Variants in NT5E observed in about 807,000 individuals in gnomAD.
NT5E encodes 5'-nucleotidase ecto, also known as 5'-nucleotidase.
A neutral mutation model predicts 55.1 loss-of-function variants in NT5E; 53 were observed. The ratio of observed to expected loss-of-function variants is 0.96; its 90% CI spans 0.77 to 1.21. The LOEUF (loss-of-function observed/expected upper bound fraction) is 1.21, where lower values mean the gene tolerates loss of function less well. Ranked by LOEUF, NT5E falls within the 50% of genes most tolerant of loss-of-function variation. NT5E has a pLI of 0.00. For synonymous variants in NT5E, 270 were observed against 278.4 expected (o/e 0.97, Z 0.30); for missense variants, 683 against 724.3 (o/e 0.94, Z 0.65).
In NT5E at chr6:85,467,406, A is replaced by C. The variant is rs1582374678; in HGVS notation, c.562+124A>C. On this transcript the variant is annotated intron_variant, in intron 2 of 8. Transcript: ENST00000257770. ...TGGGTAAATAGTGCACTAGAATAAC[A>C]CTGATAAAAGCAATCTGGTAAATTC... 15 of 791,446 alleles carry C rather than the reference A, an allele frequency of 1.9e-5. No homozygotes were observed. In the East Asian group the frequency reaches 4.0e-4, roughly 21 times the overall value. The allele number at this position is 791,446 out of a possible 1,614,324, so 49.0% of individuals were successfully genotyped here. A position where few individuals can be genotyped will look rare whatever the true frequency, so the allele number is the denominator to read the frequency against.
chr6:85,491,027 A>G (rs977314885), intron 7 of NT5E: 1 of 530,050 alleles, frequency 1.9e-6, no homozygotes, highest in African/African-American at 1.9e-5. Context: ...GCCTGGAACC[A>G]TGCCAAGATT....
intron 1 of NT5E, among the ~76,000 whole-genome samples, chr6:85,459,319 G>A (rs1769048069): frequency 6.6e-6 from 1 of 152,170 alleles, no homozygotes; most frequent in Non-Finnish European, 1.5e-5. Flanking sequence ...AGCCCTTAAC[G>A]AATGAGCTAG....
chr6:85,450,260 C>T lies in NT5E; in HGVS notation c.121C>T (p.Leu41=), dbSNP rs771974438. 4 of 1,609,246 alleles carry T rather than the reference C, an allele frequency of 2.5e-6. No individual in the cohort carries two copies. Among genetic ancestry groups the T allele is most frequent in the Non-Finnish European group, 2.5e-6 (3 of 1,178,856 alleles). ...ILHTNDVHSR[L]EQTSEDSSKC... is the part of the protein sequence containing the mutation. ...GCACACCAACGACGTGCACAGCCGG[C>T]TGGAGCAGACCAGCGAGGACTCCAG... Residue 41 remains leucine (L), a synonymous_variant, in exon 1 of 9, where the codon CTG becomes TTG. Coordinates refer to ENST00000257770, the MANE Select transcript of NT5E (RefSeq NM_002526.4). The surrounding 1 kb of genome is among the most constrained non-coding windows in gnomAD (Gnocchi z 4.0).
chr6:85,465,856 G>A (rs9444348), intron 1 of NT5E, among the ~76,000 whole-genome samples: 66,081 of 152,064 alleles, frequency 0.43, 15,732 homozygotes, highest in Admixed American at 0.57. Flanking sequence ...AGCAAGGAAG[G>A]AAGAGGGTGA....
At chr6:85,458,822 C>G (rs1394884894) in intron 1 of NT5E, among the ~76,000 whole-genome samples, 1 of 152,160 alleles carries the variant, frequency 6.6e-6, no homozygotes, top group Non-Finnish European at 1.5e-5. Context: ...TCCCCCCTCC[C>G]CAAACAAGTA....
At chr6:85,474,066 AG>A (rs1405766300) in intron 3 of NT5E, among the ~76,000 whole-genome samples, 1 of 152,180 alleles carries the variant, frequency 6.6e-6, no homozygotes, top group Non-Finnish European at 1.5e-5. Context: ...GTCATGCCTT[AG>A]TATCTGTGGG....
intron 7 of NT5E, chr6:85,491,133 T>C (rs1212638797): frequency 1.9e-6 from 1 of 525,026 alleles, no homozygotes; most frequent in Non-Finnish European, 3.9e-6. Flanking sequence ...CTAGTCCCAC[T>C]GTGACCTGGG....
At chr6:85,466,658 C>T (rs1021855359) in intron 1 of NT5E, among the ~76,000 whole-genome samples, 1 of 152,130 alleles carries the variant, frequency 6.6e-6, no homozygotes, top group Non-Finnish European at 1.5e-5. Context: ...TTGCTAAAGT[C>T]CTGCTGATGT....
At chr6:85,457,643 T>C (rs1230847651) in intron 1 of NT5E, among the ~76,000 whole-genome samples, 3 of 152,202 alleles carry the variant, frequency 2.0e-5, no homozygotes, top group Non-Finnish European at 2.9e-5. Context: ...GATGTTACTC[T>C]GGTAGTAACA....
chr6:85,491,561 G>T (rs952423342), intron 7 of NT5E, among the ~76,000 whole-genome samples: 4 of 152,228 alleles, frequency 2.6e-5, no homozygotes, highest in Admixed American at 2.0e-4. Context: ...ATAGCTCTAT[G>T]CCTTGTGGAA....
At chr6:85,467,908 T>C (rs922889988) in intron 2 of NT5E, among the ~76,000 whole-genome samples, 1 of 151,796 alleles carries the variant, frequency 6.6e-6, no homozygotes, top group Non-Finnish European at 1.5e-5. Context: ...ATGACACATA[T>C]ACATACATAC....
chr6:85,475,085 T>A (rs1582379282), intron 3 of NT5E, among the ~76,000 whole-genome samples: 2 of 152,336 alleles, frequency 1.3e-5, no homozygotes, highest in East Asian at 3.9e-4. Context: ...AAATAATGAA[T>A]CTGATAAATA....
chr6:85,459,408 T>C (rs539249957), intron 1 of NT5E, among the ~76,000 whole-genome samples: 1 of 152,360 alleles, frequency 6.6e-6, no homozygotes, highest in East Asian at 1.9e-4. Context: ...TTTATTTATG[T>C]GGAACAAAAA....
chr6:85,463,088 A>G (rs959767151), intron 1 of NT5E, among the ~76,000 whole-genome samples: 1 of 152,040 alleles, frequency 6.6e-6, no homozygotes, highest in Non-Finnish European at 1.5e-5. Flanking sequence ...TTTTAAAAAT[A>G]GTGTTTTAGG....
chr6:85,451,778 T>G (rs949470917), intron 1 of NT5E, among the ~76,000 whole-genome samples: 4 of 151,956 alleles, frequency 2.6e-5, no homozygotes, highest in Non-Finnish European at 1.5e-5. Flanking sequence ...TGCTGAGGGG[T>G]TTGTTTGGTT....
chr6:85,450,159 G>A lies in NT5E; in HGVS notation c.20G>A (p.Arg7Gln). The A allele has an allele frequency of 1.9e-6, 3 of 1,590,516 alleles. No individual in the cohort carries two copies. Among genetic ancestry groups the A allele is most frequent in the Non-Finnish European group, 2.6e-6 (3 of 1,170,804 alleles). MCPRAA[R>Q]APATLLLALG... ...ACAGCTATGTGTCCCCGAGCCGCGCGGGCGCCCGCGACGCTACTCCTCGCC... is the reference window on the plus strand; with the variant it reads ...ACAGCTATGTGTCCCCGAGCCGCGCAGGCGCCCGCGACGCTACTCCTCGCC... Residue 7 changes from arginine to glutamine, a missense_variant, in exon 1 of 9, where the codon CGG (arginine) becomes CAG (glutamine). Arg to Gln is a conservative substitution (Grantham distance 43). Coordinates refer to ENST00000257770, the MANE Select transcript of NT5E (RefSeq NM_002526.4). The surrounding 1 kb of genome is among the most constrained non-coding windows in gnomAD (Gnocchi z 4.0).
intron 1 of NT5E, among the ~76,000 whole-genome samples, chr6:85,460,432 A>T (rs1769073696): frequency 6.6e-6 from 1 of 152,246 alleles, no homozygotes; most frequent in South Asian, 2.1e-4. Flanking sequence ...GAATCTATTT[A>T]TTGGTTTTTT....
chr6:85,467,841 CAT>C (rs552269871), intron 2 of NT5E, among the ~76,000 whole-genome samples: 139 of 151,352 alleles, frequency 9.2e-4, no homozygotes, highest in Middle Eastern at 3.5e-3. Flanking sequence ...CATTTATAGA[CAT>C]ATATACACAT....
chr6:85,470,406 G>T (rs1479374590), intron 2 of NT5E, among the ~76,000 whole-genome samples: 1 of 152,180 alleles, frequency 6.6e-6, no homozygotes, highest in Non-Finnish European at 1.5e-5. Context: ...AGGCCCTCAT[G>T]ATTAACACAG....
Sources: gnomAD v4.1 joint callset for allele counts (sites outside exome capture counted in the v4.1 genomes callset) on GRCh38, gnomAD v4.1.1 for gene constraint, Gnocchi (gnomAD v3.1) non-coding constraint, MANE v1.5 for transcripts, NCBI Gene and HGNC (gene_info 2026-07-23, HGNC 2026-07-21) for gene names.